Variants in COL18A1 observed in about 807,000 individuals in gnomAD.
The protein encoded by COL18A1 is collagen alpha-1(XVIII) chain.
Under a neutral mutation model 168.0 loss-of-function variants are expected in COL18A1, and 133 were observed. The ratio of observed to expected loss-of-function variants is 0.79; its 90% CI spans 0.69 to 0.91. COL18A1 has a LOEUF of 0.91. COL18A1 is among the 40% of genes least tolerant of loss of function. The probability of loss-of-function intolerance (pLI) is 0.00; values close to 1 mark genes in which losing one functional copy is unlikely to be tolerated. For synonymous variants in COL18A1, 949 were observed against 809.0 expected (o/e 1.17, Z -2.94); for missense variants, 2,126 against 1,925.4 (o/e 1.10, Z -1.95).
In COL18A1 at chr21:45,477,977, C is replaced by A. The variant is rs765348415; in HGVS notation, c.1221+12C>A. ...GGGACGGCGAGCCGGTGAGTCCTCA[C>A]GTCCCCCCGAGTCCGGCCCGGTCTG... On this transcript the variant is annotated intron_variant, in intron 8 of 41. Coordinates refer to ENST00000651438, the MANE Select transcript of COL18A1 (RefSeq NM_001379500.1). 1.4e-6 allele frequency: 2 copies of A among 1,389,142 alleles called. No individual in the cohort carries two copies. The highest frequency in any genetic ancestry group is 3.9e-5 in the Admixed American group (2 of 51,106). The allele number at this position is 1,389,142 out of a possible 1,614,324, so 86.1% of individuals were successfully genotyped here. A position where few individuals can be genotyped will look rare whatever the true frequency, so the allele number is the denominator to read the frequency against.
intron 2 of COL18A1, among the ~76,000 whole-genome samples, chr21:45,448,268 C>G (rs949739903): frequency 7.4e-6 from 1 of 135,626 alleles, no homozygotes; most frequent in African/African-American, 2.8e-5. Flanking sequence ...CACTCCCTTT[C>G]TCTCCATCTG....
intron 15 of COL18A1, among the ~76,000 whole-genome samples, chr21:45,485,883 C>T (rs1018240727): frequency 6.6e-6 from 1 of 152,238 alleles, no homozygotes; most frequent in Non-Finnish European, 1.5e-5. Context: ...CATTTGTGGA[C>T]AGTGCTGGGC....
intron 2 of COL18A1, chr21:45,467,242 T>A: frequency 1.0e-6 from 1 of 985,424 alleles, no homozygotes; most frequent in Non-Finnish European, 1.2e-6. Context: ...GCACCGGGGC[T>A]GCGTCCTGGC....
intron 2 of COL18A1, among the ~76,000 whole-genome samples, chr21:45,459,837 AG>A (rs1468891615): frequency 6.6e-6 from 1 of 152,022 alleles, no homozygotes; most frequent in Non-Finnish European, 1.5e-5. Flanking sequence ...GGGCTGTCTC[AG>A]TGGGACTCTG....
At chr21:45,479,155 AGT>A (rs1033339239) in intron 9 of COL18A1, among the ~76,000 whole-genome samples, 2 of 149,626 alleles carry the variant, frequency 1.3e-5, no homozygotes, top group South Asian at 2.1e-4. Context: ...CATGTGTTTG[AGT>A]GTGTGAATGT....
chr21:45,503,171 G>A (rs1338812340), intron 32 of COL18A1, among the ~76,000 whole-genome samples: 1 of 152,174 alleles, frequency 6.6e-6, no homozygotes, highest in East Asian at 1.9e-4. Context: ...GGTTGAACTA[G>A]TTTACAGTCC....
chr21:45,491,294 G>A lies in COL18A1; in HGVS notation c.2137G>A (p.Val713Ile), dbSNP rs765166935. The change falls in exon 22 of 42, where the codon GTC becomes ATC. Residue 713 changes from valine (V) to isoleucine (I), a missense_variant. Physicochemically the swap from Val to Ile is conservative, Grantham distance 29. Coordinates refer to ENST00000651438, the MANE Select transcript of COL18A1 (RefSeq NM_001379500.1). ...PGPPGPPGPVVYVSEQDGSVL... is the reference protein window; with the variant it reads ...PGPPGPPGPVIYVSEQDGSVL... ...CCCCCCCGGACCCCCGGGACCTGTG[G>A]TCTACGTGTCGGAGCAGGACGTAAG... 1.1e-5 allele frequency: 18 copies of A among 1,612,000 alleles called. No homozygotes were observed. The highest frequency in any genetic ancestry group is 1.1e-5 in the South Asian group (1 of 91,048).
intron 2 of COL18A1, among the ~76,000 whole-genome samples, chr21:45,413,947 C>G (rs2033370752): frequency 6.6e-6 from 1 of 152,196 alleles, no homozygotes; most frequent in South Asian, 2.1e-4. Context: ...GAGGCGTCTT[C>G]TAGTATAAAT....
At chr21:45,451,028 G>A (rs1298250708) in intron 2 of COL18A1, among the ~76,000 whole-genome samples, 2 of 152,242 alleles carry the variant, frequency 1.3e-5, no homozygotes, top group African/African-American at 4.8e-5. Context: ...TGGAGACAGG[G>A]CCCGACTCTG....
chr21:45,496,657 C>T (rs1243765577), intron 30 of COL18A1, 89 bp downstream of exon 30: 2 of 785,674 alleles, frequency 2.5e-6, no homozygotes, highest in Admixed American at 1.7e-5. Context: ...TCTCCCCTGG[C>T]CTCTGCGTCT....
At chr21:45,459,530 G>A (rs888077190) in intron 2 of COL18A1, among the ~76,000 whole-genome samples, 1 of 152,246 alleles carries the variant, frequency 6.6e-6, no homozygotes, top group African/African-American at 2.4e-5. Flanking sequence ...GCACTGCCCT[G>A]TGTGTCCACC....
chr21:45,510,221 G>C lies in COL18A1; in HGVS notation c.3653G>C (p.Arg1218Pro). ...SRLQDLYSIVRRADRAAVPIV... is the reference protein window; with the variant it reads ...SRLQDLYSIVPRADRAAVPIV... Reference sequence around the variant, plus strand: ...CTGCAGGACCTGTACAGCATCGTGCGCCGTGCCGACCGCGCAGCCGTGCCC... The same window carrying C: ...CTGCAGGACCTGTACAGCATCGTGCCCCGTGCCGACCGCGCAGCCGTGCCC... Residue 1218 changes from arginine to proline, a missense_variant, in exon 40 of 42, where the codon CGC (arginine) becomes CCC (proline). By Grantham distance (103) the Arg-to-Pro change is moderately radical. Coordinates refer to ENST00000651438, the MANE Select transcript of COL18A1 (RefSeq NM_001379500.1). The C allele has an allele frequency of 6.2e-7, 1 of 1,606,254 alleles. No homozygotes were observed. The highest frequency in any genetic ancestry group is 8.5e-7 in the Non-Finnish European group (1 of 1,177,130).
Position 45,433,118 on chromosome 21 carries a change from G to A in COL18A1, c.106+27645G>A, listed in dbSNP as rs117456224. On this transcript the variant is annotated intron_variant, in intron 2 of 41. Coordinates refer to ENST00000651438, the MANE Select transcript of COL18A1 (RefSeq NM_001379500.1). ...AAAACAGCAACAATGGCTTCATTTC[G>A]AGAGGGTCACGGACACCCTTTCATG... is the stretch of plus-strand genomic sequence containing the variant. Among the ~76,000 whole-genome samples the A allele has an allele frequency of 7.9e-5, 12 of 152,294 alleles. No homozygotes were observed. The East Asian group carries it at 2.1e-3, about 27-fold the overall frequency.
chr21:45,433,194 C>T (rs577507794), intron 2 of COL18A1, among the ~76,000 whole-genome samples: 150 of 152,284 alleles, frequency 9.9e-4, no homozygotes, highest in African/African-American at 3.4e-3. Context: ...GAGAGAGGGA[C>T]GCGCTGGGTT....
chr21:45,482,492 G>C (rs940227455), intron 14 of COL18A1: 3 of 583,124 alleles, frequency 5.1e-6, no homozygotes, highest in African/African-American at 1.9e-5. Flanking sequence ...GCCCCTCACT[G>C]CTCTAAGCCT....
chr21:45,506,417 CCT>C, intron 37 of COL18A1: 2 of 323,938 alleles, frequency 6.2e-6, no homozygotes, highest in East Asian at 8.2e-5. Flanking sequence ...TGAAATGCAT[CCT>C]CTCTGCTTAG....
At chr21:45,477,702 G>A (rs1470532476) in intron 7 of COL18A1, 48 bp from the exon 8 acceptor site, 1 of 1,482,440 alleles carries the variant, frequency 6.7e-7, no homozygotes, top group Non-Finnish European at 9.1e-7. Flanking sequence ...TGGGCAGGGT[G>A]TGTGGGGCCC....
rs1020548960 is a variant in COL18A1, at chr21:45,495,253, G to A, written c.2434-105G>A. ...GAGCTGGGAACGTGTGAGGCTGAGC[G>A]TGGGCCGGCCGGGCCTGGCGTGGGG... On this transcript the variant is annotated intron_variant, in intron 28 of 41. Transcript: ENST00000651438. 471 of 934,082 alleles carry A rather than the reference G, an allele frequency of 5.0e-4. 1 individual carries two copies. The highest frequency in any genetic ancestry group is 1.5e-4 in the South Asian group (11 of 71,500). 57.9% of individuals were successfully genotyped at this position (934,082 alleles called of 1,614,324 possible).
intron 2 of COL18A1, among the ~76,000 whole-genome samples, chr21:45,410,359 C>T (rs1162667575): frequency 1.3e-5 from 2 of 152,232 alleles, no homozygotes; most frequent in African/African-American, 4.8e-5. Context: ...CGCCGGCTTC[C>T]AGAAGGCCAG....
Sources: allele counts gnomAD v4.1 joint callset (sites outside exome capture counted in the v4.1 genomes callset), GRCh38; gene constraint gnomAD v4.1.1; transcripts MANE v1.5; gene names NCBI Gene and HGNC (gene_info 2026-07-23, HGNC 2026-07-21).